The following AUTS2 variants were observed in gnomAD, a reference collection of about 807,000 sequenced individuals.
The protein encoded by AUTS2 is activator of transcription and developmental regulator AUTS2, also known as autism susceptibility gene 2 protein.
In AUTS2, 17 loss-of-function variants were observed where a neutral mutation model predicts 112.4. The ratio of observed to expected loss-of-function variants is 0.15; its 90% CI spans 0.10 to 0.23. AUTS2 has a LOEUF of 0.23. Among genes scored for constraint, AUTS2 ranks in the 10% least tolerant of loss-of-function variants. The probability of loss-of-function intolerance (pLI) is 1.00; values close to 1 mark genes in which losing one functional copy is unlikely to be tolerated. For synonymous variants in AUTS2, 751 were observed against 702.7 expected, an observed-to-expected ratio of 1.07 and a Z score of -1.09; for missense variants, 1,510 against 1,701.6, an observed-to-expected ratio of 0.89 and a Z score of 1.98.
chr7:69,811,737 C>T (rs770727258), intron 1 of AUTS2, among the ~76,000 whole-genome samples: 7 of 152,292 alleles, frequency 4.6e-5, no homozygotes, highest in Non-Finnish European at 8.8e-5. Flanking sequence ...TGGGAGCCAT[C>T]GTTCATTCCC....
intron 2 of AUTS2, among the ~76,000 whole-genome samples, chr7:69,902,822 T>C (rs1795019273): frequency 1.3e-5 from 2 of 152,212 alleles, no homozygotes; most frequent in African/African-American, 4.8e-5. Flanking sequence ...GCTTTTAAAC[T>C]GACACTTATT....
chr7:70,088,086 G>A (rs1408427153), intron 2 of AUTS2, among the ~76,000 whole-genome samples: 8 of 149,050 alleles, frequency 5.4e-5, no homozygotes, highest in Admixed American at 1.3e-4. Flanking sequence ...AAGTTTTATC[G>A]GTCTTCTCAA....
intron 4 of AUTS2, among the ~76,000 whole-genome samples, chr7:70,372,019 G>T (rs1358920314): frequency 1.3e-5 from 2 of 152,274 alleles, no homozygotes; most frequent in East Asian, 3.9e-4. Flanking sequence ...AACTGGAAAG[G>T]ATGGGAACTA....
At chr7:70,056,434 A>T (rs1196898020) in intron 2 of AUTS2, among the ~76,000 whole-genome samples, 1 of 152,052 alleles carries the variant, frequency 6.6e-6, no homozygotes, top group Non-Finnish European at 1.5e-5. Flanking sequence ...CATATCATTC[A>T]TTCCTCAATA....
At chr7:69,994,291 A>G (rs1798856070) in intron 2 of AUTS2, among the ~76,000 whole-genome samples, 1 of 152,198 alleles carries the variant, frequency 6.6e-6, no homozygotes, top group African/African-American at 2.4e-5. Flanking sequence ...CATTATCGTT[A>G]CTATGCAGAA....
chr7:69,934,089 T>C (rs1322147352), intron 2 of AUTS2, among the ~76,000 whole-genome samples: 1 of 152,236 alleles, frequency 6.6e-6, no homozygotes. Flanking sequence ...AATCTAGTTT[T>C]TATCCTGGAG....
chr7:69,869,444 C>T (rs917719), intron 1 of AUTS2, among the ~76,000 whole-genome samples: 15,257 of 151,610 alleles, frequency 0.1, 1,214 homozygotes, highest in African/African-American at 0.22. Flanking sequence ...TTTTATATCA[C>T]ATAAATTATT....
chr7:69,615,933 G>GGA (rs1793347190), intron 1 of AUTS2, among the ~76,000 whole-genome samples: 1 of 152,244 alleles, frequency 6.6e-6, no homozygotes, highest in Non-Finnish European at 1.5e-5. Context: ...AGATTACAGT[G>GGA]TTAGAGGATA....
intron 5 of AUTS2, among the ~76,000 whole-genome samples, chr7:70,546,637 G>A (rs1425440531): frequency 1.3e-5 from 2 of 151,604 alleles, no homozygotes; most frequent in Admixed American, 6.6e-5. Flanking sequence ...AAATTAGCCG[G>A]GCATGGTGGC....
chr7:70,757,807 CTTTTTTTTTTT>C (rs3974412), intron 6 of AUTS2, among the ~76,000 whole-genome samples: 641 of 60,584 alleles, frequency 0.011, 6 homozygotes, highest in South Asian at 0.038. Flanking sequence ...TCCATGGCTT[CTTTTTTTTTTT>C]TTTTTTTTTT....
chr7:70,781,542 C>A, intron 14 of AUTS2, 73 bp from the exon 15 acceptor site: 1 of 1,556,920 alleles, frequency 6.4e-7, no homozygotes, highest in South Asian at 1.2e-5. Flanking sequence ...CAGTCTCCAG[C>A]TCCAGCTCTT....
chr7:70,145,755 G>T (rs1739836612), intron 4 of AUTS2, among the ~76,000 whole-genome samples: 1 of 151,852 alleles, frequency 6.6e-6, no homozygotes, highest in Non-Finnish European at 1.5e-5. Context: ...GTAAAGCTTG[G>T]GTCACATTTA....
intron 4 of AUTS2, among the ~76,000 whole-genome samples, chr7:70,188,837 G>A (rs1809738326): frequency 6.6e-6 from 1 of 150,550 alleles, no homozygotes; most frequent in South Asian, 2.1e-4. Flanking sequence ...CTGGAGTGCA[G>A]TGGCCTCCCA....
intron 1 of AUTS2, among the ~76,000 whole-genome samples, chr7:69,743,945 G>C (rs922966180): frequency 6.6e-6 from 1 of 151,736 alleles, no homozygotes; most frequent in Admixed American, 6.6e-5. Context: ...CTGTAGGCAT[G>C]TGCCACCTTG....
At chr7:69,857,822 A>AG (rs1792801587) in intron 1 of AUTS2, among the ~76,000 whole-genome samples, 1 of 152,164 alleles carries the variant, frequency 6.6e-6, no homozygotes, top group Non-Finnish European at 1.5e-5. Context: ...GTCTCAAAAA[A>AG]AAAAAAAAGA....
At chr7:70,411,030 A>AT (rs1322374592) in intron 4 of AUTS2, among the ~76,000 whole-genome samples, 1 of 151,694 alleles carries the variant, frequency 6.6e-6, no homozygotes, top group Admixed American at 6.6e-5. Flanking sequence ...TGCCTGGCTA[A>AT]TTTTTTGTAT....
At chr7:70,657,664 G>A (rs1034749507) in intron 5 of AUTS2, among the ~76,000 whole-genome samples, 62 of 152,146 alleles carry the variant, frequency 4.1e-4, no homozygotes, top group African/African-American at 1.4e-3. Flanking sequence ...TTCCCCTAGC[G>A]TCACTCCTTC....
At chr7:69,614,371 TAAGAGATGGGA>T (rs1793245753) in intron 1 of AUTS2, among the ~76,000 whole-genome samples, 17 of 89,928 alleles carry the variant, frequency 1.9e-4, no homozygotes, top group Admixed American at 5.8e-4. Flanking sequence ...TTTCTTTTTT[TAAGAGATGGGA>T]TCTCACTCTG....
chr7:69,688,278 T>G (rs1460650256), intron 1 of AUTS2, among the ~76,000 whole-genome samples: 2 of 152,116 alleles, frequency 1.3e-5, no homozygotes, highest in Admixed American at 6.5e-5. Flanking sequence ...TAATTATCAG[T>G]GTGTGGGGCC....
Sources: gnomAD v4.1 joint callset for allele counts (sites outside exome capture counted in the v4.1 genomes callset) on GRCh38, gnomAD v4.1.1 for gene constraint, MANE v1.5 for transcripts, NCBI Gene and HGNC (gene_info 2026-07-23, HGNC 2026-07-21) for gene names.